RAB12: variants seen among roughly 807,000 people sequenced by gnomAD.
RAB12 encodes the protein ras-related protein Rab-12.
In RAB12, 11 loss-of-function variants were observed where a neutral mutation model predicts 28.4. The ratio of observed to expected loss-of-function variants is 0.39; its 90% CI spans 0.24 to 0.64. The LOEUF (loss-of-function observed/expected upper bound fraction) is 0.64, where lower values mean the gene tolerates loss of function less well. Among genes scored for constraint, RAB12 ranks in the 30% least tolerant of loss-of-function variants. RAB12 has a pLI of 0.50. For synonymous variants in RAB12, 138 were observed against 145.3 expected, an observed-to-expected ratio of 0.95 and a Z score of 0.36; for missense variants, 276 against 351.1, an observed-to-expected ratio of 0.79 and a Z score of 1.71.
At chr18:8,628,861 A>G (rs1054231876) in intron 2 of RAB12, among the ~76,000 whole-genome samples, 2 of 152,192 alleles carry the variant, frequency 1.3e-5, no homozygotes, top group Non-Finnish European at 2.9e-5. Flanking sequence ...TTCTTAAGTC[A>G]TTGAATGTGA....
Position 8,634,307 on chromosome 18 carries a change from T to TA in RAB12, c.714+990dup, listed in dbSNP as rs1216983541. ...TCTTTTTTTTTTTTTTTTTTTTCAT[T>TA]AAAAAAAAAAGTTGTTAGGATCAGG... On this transcript the variant is annotated intron_variant, in intron 3 of 5. Coordinates refer to ENST00000649141, the MANE Select transcript of RAB12 (RefSeq NM_001025300.3). Among the ~76,000 whole-genome samples the TA allele has an allele frequency of 2.5e-3, 339 of 136,036 alleles. 1 individual carries two copies. The highest frequency in any genetic ancestry group is 8.3e-3 in the African/African-American group (295 of 35,352). The allele number at this position is 136,036 out of a possible 152,430, so 89.2% of individuals were successfully genotyped here.
At chr18:8,611,204 T>A (rs1409677419) in intron 1 of RAB12, among the ~76,000 whole-genome samples, 1 of 152,242 alleles carries the variant, frequency 6.6e-6, no homozygotes, top group African/African-American at 2.4e-5. Context: ...TATACCTGTT[T>A]CAAATATCCA....
At chr18:8,632,263 CAGAGCTAGACTCTGTCTCCAAAAA>C (rs2096016384) in intron 2 of RAB12, among the ~76,000 whole-genome samples, 1 of 126,336 alleles carries the variant, frequency 7.9e-6, no homozygotes, top group Non-Finnish European at 1.6e-5. Context: ...GCCTGGGTGA[CAGAGCTAGACTCTGTCTCCAAAAA>C]AAAAAAAAAA....
chr18:8,635,096 T>G (rs1258611695), intron 3 of RAB12: 1 of 152,582 alleles, frequency 6.6e-6, no homozygotes, highest in Admixed American at 6.5e-5. Flanking sequence ...TTTGTGAATA[T>G]TCTGTCATGG....
intron 2 of RAB12, among the ~76,000 whole-genome samples, chr18:8,630,186 A>G (rs1419139466): frequency 1.3e-5 from 2 of 152,252 alleles, no homozygotes; most frequent in African/African-American, 4.8e-5. Flanking sequence ...AAAGTGGTCA[A>G]GAGTACACTT....
At chr18:8,616,360 CT>C in intron 1 of RAB12, among the ~76,000 whole-genome samples, 1 of 148,112 alleles carries the variant, frequency 6.8e-6, no homozygotes, top group Middle Eastern at 3.4e-3. Flanking sequence ...AAATTGTGCC[CT>C]TAATTGAGTG....
intron 3 of RAB12, among the ~76,000 whole-genome samples, chr18:8,634,026 T>C (rs138132618): frequency 6.6e-6 from 1 of 152,238 alleles, no homozygotes; most frequent in African/African-American, 2.4e-5. Context: ...AACAAGCATA[T>C]GCAATATAAA....
At chr18:8,610,044 G>A (rs758193835) in intron 1 of RAB12, 91 bp downstream of exon 1, 2 of 985,450 alleles carry the variant, frequency 2.0e-6, no homozygotes, top group South Asian at 1.4e-5. Context: ...TCGAGCCTGG[G>A]AGTCTTTCGG....
chr18:8,612,951 G>T (rs12965298), intron 1 of RAB12, among the ~76,000 whole-genome samples: 52,380 of 152,156 alleles, frequency 0.34, 10,393 homozygotes, highest in East Asian at 0.62. Flanking sequence ...CACTGCTCCT[G>T]ACCAGTAAGT....
At chr18:8,616,394 A>C (rs73390499) in intron 1 of RAB12, among the ~76,000 whole-genome samples, 2,694 of 152,038 alleles carry the variant, frequency 0.018, 85 homozygotes, top group African/African-American at 0.062. Context: ...AAAAAAAAAA[A>C]AAAAAACTTG....
chr18:8,611,047 G>A (rs1216940345), intron 1 of RAB12, among the ~76,000 whole-genome samples: 1 of 152,086 alleles, frequency 6.6e-6, no homozygotes, highest in Non-Finnish European at 1.5e-5. Context: ...TCCAATTTTT[G>A]TACTGTCTTT....
intron 2 of RAB12, among the ~76,000 whole-genome samples, chr18:8,630,385 A>G (rs1026661610): frequency 1.3e-5 from 2 of 152,218 alleles, no homozygotes; most frequent in South Asian, 2.1e-4. Context: ...CTGGGTTACT[A>G]TAAGGGGTTG....
At chr18:8,615,105 G>A (rs888613722) in intron 1 of RAB12, among the ~76,000 whole-genome samples, 10 of 152,184 alleles carry the variant, frequency 6.6e-5, no homozygotes, top group African/African-American at 2.2e-4. Flanking sequence ...GACTGCTTAC[G>A]CTGGGGAAGT....
At chr18:8,631,148 A>G (rs912063413) in intron 2 of RAB12, among the ~76,000 whole-genome samples, 1 of 152,196 alleles carries the variant, frequency 6.6e-6, no homozygotes, top group Non-Finnish European at 1.5e-5. Context: ...CCTCAGCTTC[A>G]CAAATTGCTG....
In RAB12 at chr18:8,636,372, CT is replaced by C. The variant is rs749382498; in HGVS notation, c.909+16del. The C allele has an allele frequency of 2.1e-6, 3 of 1,442,860 alleles. No individual in the cohort carries two copies. The South Asian group carries it at 3.6e-5, about 17-fold the overall frequency. The allele number at this position is 1,442,860 out of a possible 1,614,324, so 89.4% of individuals were successfully genotyped here. A position where few individuals can be genotyped will look rare whatever the true frequency, so the allele number is the denominator to read the frequency against. ...TTCTGAAAAAGGTAAAAAAAAGAAT[CT>C]ACATTATAAAAGTATATCATCTGAA... On this transcript the variant is annotated intron_variant, in intron 5 of 5. Coordinates refer to ENST00000649141, the MANE Select transcript of RAB12 (RefSeq NM_001025300.3).
intron 3 of RAB12, chr18:8,635,318 G>A (rs1276510398): frequency 2.5e-6 from 1 of 395,556 alleles, no homozygotes; most frequent in Admixed American, 4.7e-5. Flanking sequence ...GAGCATTGTG[G>A]TTCTTAATGC....
intron 2 of RAB12, among the ~76,000 whole-genome samples, chr18:8,628,688 A>G (rs930056931): frequency 4.6e-5 from 7 of 152,208 alleles, no homozygotes; most frequent in African/African-American, 1.7e-4. Flanking sequence ...TGACTTCTTA[A>G]TGGTGAGCTT....
At chr18:8,636,208 C>G (rs761716235) in intron 4 of RAB12, 45 bp from the exon 5 acceptor site, 4 of 1,337,952 alleles carry the variant, frequency 3.0e-6, no homozygotes, top group Non-Finnish European at 4.3e-6. Flanking sequence ...GCACGCTGGT[C>G]TGTGAGGCCC....
chr18:8,628,853 C>T (rs935814940), intron 2 of RAB12, among the ~76,000 whole-genome samples: 3 of 152,084 alleles, frequency 2.0e-5, no homozygotes, highest in African/African-American at 7.2e-5. Context: ...TTTCTGGATT[C>T]TTAAGTCATT....
Sources: allele counts gnomAD v4.1 joint callset (sites outside exome capture counted in the v4.1 genomes callset), GRCh38; gene constraint gnomAD v4.1.1; transcripts MANE v1.5; gene names NCBI Gene and HGNC (gene_info 2026-07-23, HGNC 2026-07-21).